CELSR3: variants seen among roughly 807,000 people sequenced by gnomAD.
The protein encoded by CELSR3 is cadherin EGF LAG seven-pass G-type receptor 3, also known as EGF-like protein 1.
In CELSR3, 73 loss-of-function variants were observed where a neutral mutation model predicts 270.0. The observed-to-expected ratio is 0.27, with a 90% CI of 0.22 to 0.33. The LOEUF is 0.33. Among genes scored for constraint, CELSR3 ranks in the 10% least tolerant of loss-of-function variants. The pLI, the probability that CELSR3 is intolerant of heterozygous loss-of-function variation, is 1.00. For synonymous variants in CELSR3, 1,780 were observed against 1,905.4 expected (o/e 0.93, Z 1.71); for missense variants, 3,614 against 4,533.8 (o/e 0.80, Z 5.83).
Position 48,652,704 on chromosome 3 carries a change from CG to C in CELSR3, c.5635-152del, listed in dbSNP as rs2047148154. 3 of 651,198 alleles carry C rather than the reference CG, an allele frequency of 4.6e-6. No homozygotes were observed. Among genetic ancestry groups the C allele is most frequent in the East Asian group, 5.5e-5 (2 of 36,068 alleles). 40.3% of individuals were successfully genotyped at this position (651,198 alleles called of 1,614,324 possible). ...GACCTTAATATTGCTTGATTTTGAC[CG>C]GGGGTGGGTAGAGACTGGGGCAGAG... is the stretch of plus-strand genomic sequence containing the variant. On this transcript the variant is annotated intron_variant, in intron 10 of 34. Transcript: ENST00000164024. This position sits in a 1 kb window ranked among gnomAD's most constrained non-coding sequence, Gnocchi z 4.3.
At position 48,651,665 on chromosome 3, in the gene CELSR3, G is replaced by C. The variant is rs147274111; in HGVS notation, c.5977C>G (p.Gln1993Glu). ...DACLLNPCQN[Q>E]GSCRHLPGAP... ...CCTGGCAGGTGCCGGCATGATCCCT[G>C]GTTCTGACAGGGGTTCAGGAGGCAG... Residue 1993 changes from glutamine to glutamate, a missense_variant, in exon 13 of 35, where the codon CAG becomes GAG. Transcript: ENST00000164024. The surrounding 1 kb of genome is among the most constrained non-coding windows in gnomAD (Gnocchi z 7.4). 1.5e-5 allele frequency: 24 copies of C among 1,584,916 alleles called. No homozygotes were observed. Among genetic ancestry groups the C allele is most frequent in the Non-Finnish European group, 2.1e-5 (24 of 1,166,606 alleles).
In CELSR3 at chr3:48,662,324, T is replaced by A. The variant is rs756525179; in HGVS notation, c.311A>T (p.Gln104Leu). ...SARNSRGPPE[Q>L]PNEELGIEHG... Reference sequence around the variant, plus strand: ...TTCAATCCCCAGCTCCTCATTCGGCTGCTCAGGGGGCCCTCGACTATTCCG... The same window carrying A: ...TTCAATCCCCAGCTCCTCATTCGGCAGCTCAGGGGGCCCTCGACTATTCCG... Residue 104 changes from glutamine to leucine, a missense_variant, in exon 1 of 35, where the codon CAG (glutamine) becomes CTG (leucine). Gln to Leu is a moderately radical substitution (Grantham distance 113). Transcript: ENST00000164024. The surrounding 1 kb of genome is among the most constrained non-coding windows in gnomAD (Gnocchi z 7.1). 1.9e-6 allele frequency: 3 copies of A among 1,612,938 alleles called. No homozygotes were observed. The African/African-American group carries it at 4.0e-5, about 22-fold the overall frequency.
Position 48,645,637 on chromosome 3 carries a change from C to T in CELSR3, c.7603G>A (p.Asp2535Asn), listed in dbSNP as rs770102822. The change falls in exon 24 of 35, where the codon GAC becomes AAC. Residue 2535 changes from aspartate (D) to asparagine (N), a missense_variant. Asp to Asn is a conservative substitution (Grantham distance 23). Transcript: ENST00000164024. This position sits in a 1 kb window ranked among gnomAD's most constrained non-coding sequence, Gnocchi z 5.4. ...DASPRERLEGDLELLAVFTHV... is the reference protein window; with the variant it reads ...DASPRERLEGNLELLAVFTHV... Reference sequence around the variant, plus strand: ...GTGAACACAGCCAGCAGCTCCAGGTCGCCCTCCAGCCTCTACAGAGACAGG... The same window carrying T: ...GTGAACACAGCCAGCAGCTCCAGGTTGCCCTCCAGCCTCTACAGAGACAGG... The T allele has an allele frequency of 2.2e-5, 35 of 1,609,174 alleles. No homozygotes were observed. The highest frequency in any genetic ancestry group is 1.1e-4 in the East Asian group (5 of 44,758).
In CELSR3 at chr3:48,648,323, C is replaced by A. The variant is rs775336065; in HGVS notation, c.6916G>T (p.Ala2306Ser). 5 of 1,573,462 alleles carry A rather than the reference C, an allele frequency of 3.2e-6. No individual in the cohort carries two copies. The highest frequency in any genetic ancestry group is 4.3e-6 in the Non-Finnish European group (5 of 1,157,380). The change falls in exon 19 of 35, where the codon GCA (alanine) becomes TCA (serine). Residue 2306 changes from alanine (A) to serine (S), a missense_variant. Ala to Ser is a moderately conservative substitution (Grantham distance 99). This residue lies in a region of CELSR3 where 1,331 missense variants were observed against 1,933.7 expected (regional missense o/e 0.69). Coordinates refer to ENST00000164024, the MANE Select transcript of CELSR3 (RefSeq NM_001407.3). ...RHLEEYAATLARNMELTYLNP... is the reference protein window; with the variant it reads ...RHLEEYAATLSRNMELTYLNP... Reference sequence around the variant, plus strand: ...AGGTATGTGAGTTCCATATTCCTTGCGAGTGTGGCTGCATACTCCTCCAGG... The same window carrying A: ...AGGTATGTGAGTTCCATATTCCTTGAGAGTGTGGCTGCATACTCCTCCAGG...
In CELSR3 at chr3:48,650,816, A is replaced by G. The variant is rs2047130349; in HGVS notation, c.6370+76T>C. The stretch of plus-strand genomic sequence containing the variant: ...AAGCTTCCAGAGTCCCCAAGGAGCC[A>G]TGTGTGCCACTGACACGTGATGGTG... On this transcript the variant is annotated intron_variant, in intron 15 of 34. Transcript: ENST00000164024. The surrounding 1 kb of genome is among the most constrained non-coding windows in gnomAD (Gnocchi z 5.1). 6.8e-7 allele frequency: 1 copy of G among 1,476,342 alleles called. No homozygotes were observed. The highest frequency in any genetic ancestry group is 1.4e-5 in the African/African-American group (1 of 71,400). The allele number at this position is 1,476,342 out of a possible 1,614,324, so 91.5% of individuals were successfully genotyped here.
Position 48,640,852 on chromosome 3 carries a change from C to T in CELSR3, c.9026-293G>A, listed in dbSNP as rs2106696977. ...TCCCTGAGGTCAGAAGAGGGGCAGCCCTCAGGTCCTGACAATGCAGGCCTG... is the reference window on the plus strand; with the variant it reads ...TCCCTGAGGTCAGAAGAGGGGCAGCTCTCAGGTCCTGACAATGCAGGCCTG... On this transcript the variant is annotated intron_variant, in intron 33 of 34. Transcript: ENST00000164024. This position sits in a 1 kb window ranked among gnomAD's most constrained non-coding sequence, Gnocchi z 7.5. 5 of 504,986 alleles carry T rather than the reference C, an allele frequency of 9.9e-6. No homozygotes were observed. In the South Asian group the frequency reaches 1.5e-4, roughly 15 times the overall value. The allele number at this position is 504,986 out of a possible 1,614,324, so 31.3% of individuals were successfully genotyped here.
chr3:48,651,215 C>T lies in CELSR3; in HGVS notation c.6187-140G>A, dbSNP rs141590608. Reference sequence around the variant, plus strand: ...ATGCGTGAAGCCAAGGGAGGGGTCACGGGTAAAGGATGAGAGACAGCAACT... The same window carrying T: ...ATGCGTGAAGCCAAGGGAGGGGTCATGGGTAAAGGATGAGAGACAGCAACT... On this transcript the variant is annotated intron_variant, in intron 14 of 34. Transcript: ENST00000164024. This position sits in a 1 kb window ranked among gnomAD's most constrained non-coding sequence, Gnocchi z 7.4. 228 of 1,467,298 alleles carry T rather than the reference C, an allele frequency of 1.6e-4. No homozygotes were observed. In the African/African-American group the frequency reaches 2.4e-3, roughly 16 times the overall value. The allele number at this position is 1,467,298 out of a possible 1,614,324, so 90.9% of individuals were successfully genotyped here.
At position 48,661,118 on chromosome 3, in the gene CELSR3, A is replaced by G. The variant is rs777274584; in HGVS notation, c.1517T>C (p.Met506Thr). 17 of 1,611,704 alleles carry G rather than the reference A, an allele frequency of 1.1e-5. No homozygotes were observed. Among genetic ancestry groups the G allele is most frequent in the Non-Finnish European group, 1.4e-5 (17 of 1,179,244 alleles). The change falls in exon 1 of 35, where the codon ATG becomes ACG. Residue 506 changes from methionine (M) to threonine (T), a missense_variant. By Grantham distance (81) the Met-to-Thr change is moderately conservative (BLOSUM62 -1). Transcript: ENST00000164024. ...STSGRVDREHMESYELVVEAS... is the reference protein window; with the variant it reads ...STSGRVDREHTESYELVVEAS... ...TTCCACCACCAGCTCATAGCTTTCC[A>G]TGTGCTCGCGGTCCACTCGGCCGCT...
rs1459306856 is a variant in CELSR3, at chr3:48,642,571, C to T, written c.8556-104G>A. The T allele has an allele frequency of 2.8e-6, 4 of 1,440,478 alleles. No individual in the cohort carries two copies. The African/African-American group carries it at 4.2e-5, about 15-fold the overall frequency. 89.2% of individuals were successfully genotyped at this position (1,440,478 alleles called of 1,614,324 possible). A position where few individuals can be genotyped will look rare whatever the true frequency, so the allele number is the denominator to read the frequency against. On this transcript the variant is annotated intron_variant, in intron 30 of 34. Transcript: ENST00000164024. The surrounding 1 kb of genome is among the most constrained non-coding windows in gnomAD (Gnocchi z 6.1). ...CAGCCAGCTGCGGGTGGAATGGCATCCCTGGGTGTGTGTGGTGGGAAGCAT... is the reference window on the plus strand; with the variant it reads ...CAGCCAGCTGCGGGTGGAATGGCATTCCTGGGTGTGTGTGGTGGGAAGCAT...
At chr3:48,643,526 T>C (rs1377418115) in intron 28 of CELSR3, 28 bp downstream of exon 28, 32 of 1,545,082 alleles carry the variant, frequency 2.1e-5, no homozygotes, top group Non-Finnish European at 2.8e-5. Flanking sequence ...CACCTGGTTC[T>C]GGGGCAAGGG....
At position 48,658,125 on chromosome 3, in the gene CELSR3, G is replaced by C. The variant is rs2077037110; in HGVS notation, c.3748+762C>G. On this transcript the variant is annotated intron_variant, in intron 1 of 34. Coordinates refer to ENST00000164024, the MANE Select transcript of CELSR3 (RefSeq NM_001407.3). This position sits in a 1 kb window ranked among gnomAD's most constrained non-coding sequence, Gnocchi z 4.7. ...TGTCCCCACACCCTAGCACATACTG[G>C]GTGGTCAATAAGGATAGACTGTTGA... 6.6e-6 allele frequency among the ~76,000 whole-genome samples: 1 copy of C among 152,190 alleles called. No homozygotes were observed. Among genetic ancestry groups the C allele is most frequent in the African/African-American group, 2.4e-5 (1 of 41,436 alleles).
Position 48,644,164 on chromosome 3 carries a change from A to G in CELSR3, c.8165+52T>C. ...GATCTGGGGGCCCCAGACCCCACCC[A>G]GGAGGGACCTGCCATCCTGAGAAGC... On this transcript the variant is annotated intron_variant, in intron 27 of 34. Coordinates refer to ENST00000164024, the MANE Select transcript of CELSR3 (RefSeq NM_001407.3). This position sits in a 1 kb window ranked among gnomAD's most constrained non-coding sequence, Gnocchi z 4.8. 6.5e-7 allele frequency: 1 copy of G among 1,549,926 alleles called. No individual in the cohort carries two copies. Among genetic ancestry groups the G allele is most frequent in the Middle Eastern group, 1.7e-4 (1 of 5,904 alleles).
chr3:48,650,433 A>AGGGGGGGGGGGGGGG lies in CELSR3; in HGVS notation c.6472+46_6472+47insCCCCCCCCCCCCCCC. 9 of 927,808 alleles carry AGGGGGGGGGGGGGGG rather than the reference A, an allele frequency of 9.7e-6. No homozygotes were observed. The highest frequency in any genetic ancestry group is 3.2e-5 in the East Asian group (1 of 31,402). The allele number at this position is 927,808 out of a possible 1,614,324, so 57.5% of individuals were successfully genotyped here. A position where few individuals can be genotyped will look rare whatever the true frequency, so the allele number is the denominator to read the frequency against. ...GACATGGCTCTAGCAGTCAGAGTAC[A>AGGGGGGGGGGGGGGG]GGCCCACCCCCACCCTCAGTGATGT... On this transcript the variant is annotated intron_variant, in intron 16 of 34. Coordinates refer to ENST00000164024, the MANE Select transcript of CELSR3 (RefSeq NM_001407.3). This position sits in a 1 kb window ranked among gnomAD's most constrained non-coding sequence, Gnocchi z 5.1.
rs1220506606 is a variant in CELSR3 at position 48,659,539 on chromosome 3, C to A, written c.3096G>T (p.Val1032=). 6.2e-7 allele frequency: 1 copy of A among 1,614,218 alleles called. No homozygotes were observed. The stretch of plus-strand genomic sequence containing the variant: ...CCACTGCGTAGGCAGTCAACTCATA[C>A]ACTGATACTGCCTCCCGGTCTAGCC... ...VRRLDREAVS[V]YELTAYAVDR... Residue 1032 remains valine, a synonymous_variant, in exon 1 of 35, where the codon GTG becomes GTT. Coordinates refer to ENST00000164024, the MANE Select transcript of CELSR3 (RefSeq NM_001407.3). This position sits in a 1 kb window ranked among gnomAD's most constrained non-coding sequence, Gnocchi z 8.1.
rs59207809 is a variant in CELSR3, at chr3:48,640,600, G to C, written c.9026-41C>G. Reference sequence around the variant, plus strand: ...AATGGGGGGCAGGGTTTGTGTGGGAGGGGGAGGGCAGGCAGGAATTGCTGA... The same window carrying C: ...AATGGGGGGCAGGGTTTGTGTGGGACGGGGAGGGCAGGCAGGAATTGCTGA... On this transcript the variant is annotated intron_variant, in intron 33 of 34. Transcript: ENST00000164024. The surrounding 1 kb of genome is among the most constrained non-coding windows in gnomAD (Gnocchi z 7.5). 6.7e-7 allele frequency: 1 copy of C among 1,495,482 alleles called. No individual in the cohort carries two copies. Among genetic ancestry groups the C allele is most frequent in the South Asian group, 1.3e-5 (1 of 76,482 alleles). 92.6% of individuals were successfully genotyped at this position (1,495,482 alleles called of 1,614,324 possible). A position where few individuals can be genotyped will look rare whatever the true frequency, so the allele number is the denominator to read the frequency against.
At position 48,661,960 on chromosome 3, in the gene CELSR3, T is replaced by G. The variant is rs1296869106; in HGVS notation, c.675A>C (p.Ala225=). Residue 225 remains alanine (A), a synonymous_variant, in exon 1 of 35, where the codon GCA becomes GCC. Coordinates refer to ENST00000164024, the MANE Select transcript of CELSR3 (RefSeq NM_001407.3). ...GQGERATTSG[A]ERTAPRRNCL... is the part of the protein sequence containing the mutation. ...AGTTCCGCCGGGGGGCTGTCCTTTC[T>G]GCTCCGGATGTCGTGGCTCTCTCGC... is the stretch of plus-strand genomic sequence containing the variant. 4 of 1,613,874 alleles carry G rather than the reference T, an allele frequency of 2.5e-6. No individual in the cohort carries two copies. The highest frequency in any genetic ancestry group is 3.4e-6 in the Non-Finnish European group (4 of 1,180,036).
Position 48,654,483 on chromosome 3 carries a change from GA to G in CELSR3, c.4989-32del. The G allele has an allele frequency of 6.5e-7, 1 of 1,542,798 alleles. No homozygotes were observed. The highest frequency in any genetic ancestry group is 8.8e-7 in the Non-Finnish European group (1 of 1,142,318). On this transcript the variant is annotated intron_variant, in intron 6 of 34. Transcript: ENST00000164024. This position sits in a 1 kb window ranked among gnomAD's most constrained non-coding sequence, Gnocchi z 5.4. ...GATCAGGGGTCTGGGTCATTGGTGGGACTGGGGCCAGAGTAGAGTTGCTCCT... is the reference window on the plus strand; with the variant it reads ...GATCAGGGGTCTGGGTCATTGGTGGGCTGGGGCCAGAGTAGAGTTGCTCCT...
rs1288989180 is a variant in CELSR3, at chr3:48,661,177, G to A, written c.1458C>T (p.Phe486=). 1 of 1,597,486 alleles carries A rather than the reference G, an allele frequency of 6.3e-7. No individual in the cohort carries two copies. The highest frequency in any genetic ancestry group is 1.1e-5 in the South Asian group (1 of 89,656). Residue 486 remains phenylalanine, a synonymous_variant, in exon 1 of 35, where the codon TTC becomes TTT. Coordinates refer to ENST00000164024, the MANE Select transcript of CELSR3 (RefSeq NM_001407.3). ...TGAGGCCGGAGCGTGGATCAATCTC[G>A]AAGGCGGCGGCAGCTGCAGCGCGCG... ...PAARAAAAAA[F]EIDPRSGLIS...
chr3:48,651,301 G>A lies in CELSR3; in HGVS notation c.6186+58C>T. 1.9e-6 allele frequency: 3 copies of A among 1,602,904 alleles called. No homozygotes were observed. In the South Asian group the frequency reaches 3.3e-5, roughly 18 times the overall value. On this transcript the variant is annotated intron_variant, in intron 14 of 34. Transcript: ENST00000164024. This position sits in a 1 kb window ranked among gnomAD's most constrained non-coding sequence, Gnocchi z 7.4. ...GTCAGGTGGCGGAGGTCAGCAAGCT[G>A]GACAGGAATTGCAGATTGCGTCCAA...
Sources: allele counts gnomAD v4.1 joint callset (sites outside exome capture counted in the v4.1 genomes callset), GRCh38; gene constraint gnomAD v4.1.1; regional missense constraint gnomAD v4.1.1; non-coding constraint Gnocchi (gnomAD v3.1); transcripts MANE v1.5; gene names NCBI Gene and HGNC (gene_info 2026-07-23, HGNC 2026-07-21).